Variants in CRHBP observed in about 807,000 individuals in gnomAD.
CRHBP encodes corticotropin releasing hormone binding protein.
In CRHBP, 19 loss-of-function variants were observed where a neutral mutation model predicts 34.9. That is an observed-to-expected ratio of 0.55 (90% CI 0.38 to 0.80). CRHBP has a LOEUF of 0.80. Among genes scored for constraint, CRHBP ranks in the 30% least tolerant of loss-of-function variants. The pLI, the probability that CRHBP is intolerant of heterozygous loss-of-function variation, is 0.00. For missense variants in CRHBP, 328 were observed against 409.2 expected (o/e 0.80, Z 1.71); for synonymous variants, 154 against 153.4 (o/e 1.00, Z -0.03).
At chr5:76,963,314 T>G in intron 5 of CRHBP, 29 bp from the exon 6 acceptor site, 1 of 1,594,362 alleles carries the variant, frequency 6.3e-7, no homozygotes, top group Non-Finnish European at 8.6e-7. Context: ...GGTTTAAATG[T>G]GTCTTTCTCT....
At chr5:76,973,329 A>G (rs985974075), downstream of CRHBP, among the ~76,000 whole-genome samples, 17 of 152,248 alleles carry the variant, frequency 1.1e-4, no homozygotes, top group African/African-American at 4.1e-4. Context: ...GTATAACCAT[A>G]TGCAACCTTT....
At position 76,968,959 on chromosome 5, in the gene CRHBP, C is replaced by T; in HGVS notation, c.*74C>T. On this transcript the variant is annotated 3_prime_UTR_variant, in exon 7 of 7. Transcript: ENST00000274368. ...GGCCATTGTGTATGATTTTGATGCA[C>T]AACTAGTTAAAAGCCTTTCATACCA... 6.5e-7 allele frequency: 1 copy of T among 1,540,288 alleles called. No homozygotes were observed. The highest frequency in any genetic ancestry group is 8.8e-7 in the Non-Finnish European group (1 of 1,130,574).
chr5:76,978,080 C>T (rs535489783), intron 3 of CRHBP, among the ~76,000 whole-genome samples: 11 of 151,764 alleles, frequency 7.2e-5, no homozygotes, highest in Non-Finnish European at 1.6e-4. Flanking sequence ...GGGAACCTGC[C>T]GAAGAAAAGT....
In CRHBP at chr5:76,974,760, T is replaced by C. The variant is rs572824921; in HGVS notation, n.312-1605T>C. On this transcript the variant is annotated intron_variant and non_coding_transcript_variant, in intron 2 of 3. Coordinates refer to the CRHBP transcript ENST00000514258. ...ATTTGTAATGATTATCATCCATTTT[T>C]CTCTTTGCATTTTAAAGTTTTTTTC... 2.7e-4 allele frequency among the ~76,000 whole-genome samples: 41 copies of C among 152,370 alleles called. 1 individual carries two copies. In the South Asian group the frequency reaches 8.5e-3, roughly 32 times the overall value.
At chr5:76,981,140 A>C (rs967013185) in exon 4 of CRHBP, 5 of 152,202 alleles carry the variant, frequency 3.3e-5, no homozygotes, top group African/African-American at 1.2e-4. Flanking sequence ...CAACCAAATA[A>C]AATATCTCTA....
intron 3 of CRHBP, among the ~76,000 whole-genome samples, chr5:76,978,867 T>TC (rs1288673708): frequency 6.6e-6 from 1 of 152,226 alleles, no homozygotes; most frequent in East Asian, 1.9e-4. Flanking sequence ...TTTGATAAAA[T>TC]TAACTCTAAT....
chr5:76,956,439 A>G (rs1745669496), intron 4 of CRHBP, among the ~76,000 whole-genome samples: 2 of 152,218 alleles, frequency 1.3e-5, no homozygotes, highest in South Asian at 2.1e-4. Context: ...AAAGCATATT[A>G]TCTTACTAAA....
chr5:76,953,830 G>A (rs1361482534), intron 2 of CRHBP, 136 bp downstream of exon 2: 13 of 1,181,096 alleles, frequency 1.1e-5, no homozygotes, highest in Middle Eastern at 2.9e-4. Context: ...CCTTAGCTAA[G>A]GATCGGTCCG....
downstream of CRHBP, among the ~76,000 whole-genome samples, chr5:76,973,422 A>G (rs1371960579): frequency 6.6e-6 from 1 of 152,188 alleles, no homozygotes; most frequent in Admixed American, 6.5e-5. Flanking sequence ...TTTTCCAGTA[A>G]AATATCTCTA....
chr5:76,977,587 ATG>A, intron 3 of CRHBP, among the ~76,000 whole-genome samples: 1 of 152,254 alleles, frequency 6.6e-6, no homozygotes, highest in East Asian at 1.9e-4. Context: ...TTATGGATAA[ATG>A]TGTGTTTTGA....
downstream of CRHBP, among the ~76,000 whole-genome samples, chr5:76,969,853 G>A (rs979367223): frequency 2.7e-5 from 4 of 150,086 alleles, no homozygotes; most frequent in Non-Finnish European, 5.9e-5. Context: ...GCTTTGTTCC[G>A]TGTTTGGCTT....
At chr5:76,972,189 T>C (rs1745957280), downstream of CRHBP, among the ~76,000 whole-genome samples, 1 of 150,842 alleles carries the variant, frequency 6.6e-6, no homozygotes, top group East Asian at 1.9e-4. Context: ...GCATGCTACC[T>C]GTGGCTAATT....
In CRHBP at chr5:76,961,282, CT is replaced by C. The variant is rs1667526848; in HGVS notation, c.694-2058del. The stretch of plus-strand genomic sequence containing the variant: ...ATAAGTGCACTTAACTTTCTTGTTT[CT>C]TTGTTTTGTTCCCCTCACTTTAGTT... On this transcript the variant is annotated intron_variant, in intron 5 of 6. Transcript: ENST00000274368. Among the ~76,000 whole-genome samples the C allele has an allele frequency of 2.0e-5, 3 of 152,142 alleles. No individual in the cohort carries two copies. The South Asian group carries it at 6.2e-4, about 31-fold the overall frequency.
chr5:76,977,531 A>T (rs1746058187), intron 3 of CRHBP, among the ~76,000 whole-genome samples: 2 of 152,156 alleles, frequency 1.3e-5, no homozygotes, highest in Non-Finnish European at 2.9e-5. Flanking sequence ...TTACTATTGT[A>T]ATTGTTTTAG....
intron 5 of CRHBP, 26 bp downstream of exon 5, chr5:76,958,915 C>A (rs370676315): frequency 1.2e-6 from 2 of 1,610,432 alleles, no homozygotes; most frequent in Admixed American, 1.7e-5. Flanking sequence ...GTTTCCTAAC[C>A]GTTTGATAAG....
intron 4 of CRHBP, among the ~76,000 whole-genome samples, chr5:76,956,647 C>T (rs1007702749): frequency 1.3e-5 from 2 of 151,778 alleles, no homozygotes; most frequent in African/African-American, 4.8e-5. Context: ...TGGCGTGAAC[C>T]TGGGAGGTGG....
intron 3 of CRHBP, 67 bp downstream of exon 3, chr5:76,954,253 G>C: frequency 1.3e-6 from 2 of 1,536,874 alleles, no homozygotes; most frequent in Non-Finnish European, 1.8e-6. Flanking sequence ...GGGCTGGGGC[G>C]CTGCACCCAG....
At chr5:76,980,892 G>C (rs1293231636) in intron 3 of CRHBP, 1 of 152,196 alleles carries the variant, frequency 6.6e-6, no homozygotes, top group Non-Finnish European at 1.5e-5. Flanking sequence ...AAGCAAAGCT[G>C]TTGCAAAATC....
intron 5 of CRHBP, 124 bp downstream of exon 5, chr5:76,959,013 T>TA: frequency 1.0e-6 from 1 of 953,054 alleles, no homozygotes; most frequent in South Asian, 2.3e-5. Context: ...GATGAACTCT[T>TA]AAATCTCAAA....
Sources: gnomAD v4.1 joint callset for allele counts (sites outside exome capture counted in the v4.1 genomes callset) on GRCh38, gnomAD v4.1.1 for gene constraint, MANE v1.5 for transcripts, NCBI Gene and HGNC (gene_info 2026-07-23, HGNC 2026-07-21) for gene names.